Variants in FAXC observed in about 807,000 individuals in gnomAD.
FAXC encodes failed axon connections homolog, metaxin like GST domain containing.
Under a neutral mutation model 41.9 loss-of-function variants are expected in FAXC, and 10 were observed. The ratio of observed to expected loss-of-function variants is 0.24; its 90% confidence interval spans 0.15 to 0.41. The LOEUF (loss-of-function observed/expected upper bound fraction) is 0.41. Ranked by LOEUF, FAXC falls within the 10% of genes least tolerant of loss-of-function variation. The pLI, the probability that FAXC is intolerant of heterozygous loss-of-function variation, is 1.00. For missense variants in FAXC, 399 were observed against 510.9 expected, an observed-to-expected ratio of 0.78 and a Z score of 2.11; for synonymous variants, 183 against 183.8, an observed-to-expected ratio of 1.00 and a Z score of 0.03.
At position 99,274,888 on chromosome 6, in the gene FAXC, T is replaced by C. The variant is rs975501069; in HGVS notation, c.*6276A>G. 11 of 152,162 alleles carry C rather than the reference T, an allele frequency of 7.2e-5. No individual in the cohort carries two copies. The highest frequency in any genetic ancestry group is 1.5e-4 in the Non-Finnish European group (10 of 68,036). The allele number at this position is 152,162 out of a possible 1,614,324, so 9.4% of individuals were successfully genotyped here. A position where few individuals can be genotyped will look rare whatever the true frequency, so the allele number is the denominator to read the frequency against. On this transcript the variant is annotated 3_prime_UTR_variant, in exon 6 of 6. Transcript: ENST00000389677. ...GATTCTGAACAATGGAAGAGGAAAG[T>C]CATTGATTATTTTTTAAAGAGGAGG...
intron 5 of FAXC, among the ~76,000 whole-genome samples, chr6:99,285,891 T>G (rs1298245206): frequency 1.3e-5 from 2 of 152,188 alleles, no homozygotes; most frequent in Non-Finnish European, 2.9e-5. Context: ...ATCAAAACAT[T>G]CTGTACAACT....
intron 3 of FAXC, among the ~76,000 whole-genome samples, chr6:99,327,210 T>G (rs1024872820): frequency 6.6e-5 from 10 of 152,198 alleles, no homozygotes; most frequent in African/African-American, 2.4e-4. Flanking sequence ...CTTTAAGGGT[T>G]GAGGCCAGTG....
chr6:99,312,137 C>T (rs181261104), intron 4 of FAXC, among the ~76,000 whole-genome samples: 4 of 152,322 alleles, frequency 2.6e-5, no homozygotes, highest in African/African-American at 9.6e-5. Flanking sequence ...TCATGTGTTC[C>T]AGGCACTCAG....
At chr6:99,347,265 G>A (rs566057059) in intron 1 of FAXC, among the ~76,000 whole-genome samples, 77 of 152,076 alleles carry the variant, frequency 5.1e-4, no homozygotes, top group Admixed American at 1.4e-3. Context: ...ATCCAGACGC[G>A]GTGGTGCACG....
intron 1 of FAXC, among the ~76,000 whole-genome samples, chr6:99,343,587 G>A (rs1184283545): frequency 1.3e-5 from 2 of 152,170 alleles, no homozygotes; most frequent in Non-Finnish European, 2.9e-5. Flanking sequence ...TGCTAGTTAT[G>A]GCAGAATGGG....
rs1174081519 is a variant in FAXC, at chr6:99,276,654, GAACA to G, written c.*4506_*4509del. ...TTCTCTCTGGCTGTGTTAAAAACAA[GAACA>G]AACACAATGATAACATTTAAAGACT... On this transcript the variant is annotated 3_prime_UTR_variant, in exon 6 of 6. Transcript: ENST00000389677. 1 of 152,128 alleles carries G rather than the reference GAACA, an allele frequency of 6.6e-6. No individual in the cohort carries two copies. Among genetic ancestry groups the G allele is most frequent in the African/African-American group, 2.4e-5 (1 of 41,426 alleles). 9.4% of individuals were successfully genotyped at this position (152,128 alleles called of 1,614,324 possible).
Position 99,275,187 on chromosome 6 carries a change from G to A in FAXC, c.*5977C>T, listed in dbSNP as rs1204291968. On this transcript the variant is annotated 3_prime_UTR_variant, in exon 6 of 6. Coordinates refer to ENST00000389677, the MANE Select transcript of FAXC (RefSeq NM_032511.4). Reference sequence around the variant, plus strand: ...AAATGCATGCCAATGGGGGGTGGGAGGTGAATTAGTCACATTTAGTAGCAC... The same window carrying A: ...AAATGCATGCCAATGGGGGGTGGGAAGTGAATTAGTCACATTTAGTAGCAC... 1 of 152,084 alleles carries A rather than the reference G, an allele frequency of 6.6e-6. No individual in the cohort carries two copies. The highest frequency in any genetic ancestry group is 1.9e-4 in the East Asian group (1 of 5,190). 9.4% of individuals were successfully genotyped at this position (152,084 alleles called of 1,614,324 possible).
chr6:99,339,934 A>G (rs1351846770), intron 2 of FAXC, among the ~76,000 whole-genome samples: 6 of 152,210 alleles, frequency 3.9e-5, no homozygotes, highest in Non-Finnish European at 7.3e-5. Context: ...ATTCTCCAGA[A>G]TTCAAAAGAG....
At chr6:99,340,945 A>C (rs938984689) in intron 2 of FAXC, among the ~76,000 whole-genome samples, 1 of 152,158 alleles carries the variant, frequency 6.6e-6, no homozygotes, top group Non-Finnish European at 1.5e-5. Context: ...CTAGGATTAC[A>C]AGCGTGAGCC....
intron 2 of FAXC, among the ~76,000 whole-genome samples, chr6:99,339,719 A>G (rs1442660050): frequency 2.6e-5 from 4 of 152,190 alleles, no homozygotes; most frequent in Non-Finnish European, 5.9e-5. Flanking sequence ...AACAACAACA[A>G]CAAACACACA....
At position 99,291,840 on chromosome 6, in the gene FAXC, G is replaced by T. The variant is rs764346797; in HGVS notation, c.824-20C>A. The T allele has an allele frequency of 6.4e-7, 1 of 1,573,728 alleles. No individual in the cohort carries two copies. The highest frequency in any genetic ancestry group is 8.7e-7 in the Non-Finnish European group (1 of 1,143,080). ...TATCACCTGCAGTAAATAAAGCAGA[G>T]AAGTCAATGGGCTGGCCCACACTGC... On this transcript the variant is annotated intron_variant, in intron 4 of 5. Coordinates refer to ENST00000389677, the MANE Select transcript of FAXC (RefSeq NM_032511.4).
rs1770794223 is a variant in FAXC at position 99,280,676 on chromosome 6, G to A, written c.*488C>T. The A allele has an allele frequency of 6.0e-6, 1 of 165,538 alleles. No individual in the cohort carries two copies. Among genetic ancestry groups the A allele is most frequent in the South Asian group, 1.6e-4 (1 of 6,094 alleles). The allele number at this position is 165,538 out of a possible 1,614,324, so 10.3% of individuals were successfully genotyped here. Reference sequence around the variant, plus strand: ...TAGTAGGTGTTCGTTTAATATCTGTGGATTTTATTTGACTTATGTCTCAAC... The same window carrying A: ...TAGTAGGTGTTCGTTTAATATCTGTAGATTTTATTTGACTTATGTCTCAAC... On this transcript the variant is annotated 3_prime_UTR_variant, in exon 6 of 6. Transcript: ENST00000389677.
intron 4 of FAXC, among the ~76,000 whole-genome samples, chr6:99,320,546 A>G (rs531109809): frequency 6.6e-6 from 1 of 152,160 alleles, no homozygotes; most frequent in East Asian, 1.9e-4. Context: ...CCCCCACAAC[A>G]TCAACAGAGC....
At chr6:99,304,938 A>G (rs1463299454) in intron 4 of FAXC, among the ~76,000 whole-genome samples, 1 of 152,232 alleles carries the variant, frequency 6.6e-6, no homozygotes, top group Admixed American at 6.5e-5. Flanking sequence ...GAACCTTAAG[A>G]AAGTTTCTAA....
intron 4 of FAXC, among the ~76,000 whole-genome samples, chr6:99,314,520 G>C (rs1335801081): frequency 2.6e-5 from 4 of 152,176 alleles, no homozygotes. Context: ...GCTTCAGTGA[G>C]CTATGATTGT....
At chr6:99,338,550 A>G (rs7741230) in intron 2 of FAXC, among the ~76,000 whole-genome samples, 75,760 of 152,012 alleles carry the variant, frequency 0.5, 19,160 homozygotes, top group East Asian at 0.59. Flanking sequence ...CTTGAAAGTA[A>G]TCAGAGACAG....
chr6:99,295,815 T>C (rs1268473711), intron 4 of FAXC, among the ~76,000 whole-genome samples: 1 of 152,202 alleles, frequency 6.6e-6, no homozygotes, highest in Non-Finnish European at 1.5e-5. Context: ...AGTTAAGATT[T>C]ATTCCTTTGT....
At chr6:99,346,562 TG>T (rs11355124) in intron 1 of FAXC, among the ~76,000 whole-genome samples, 104,800 of 148,194 alleles carry the variant, frequency 0.71, 37,728 homozygotes, top group South Asian at 0.9. Context: ...CTAATTTTTG[TG>T]GGGTTTTTTT....
intron 1 of FAXC, among the ~76,000 whole-genome samples, chr6:99,347,107 TA>T (rs71021726): frequency 5.3e-5 from 8 of 149,564 alleles, no homozygotes; most frequent in East Asian, 3.9e-4. Flanking sequence ...ACAAAAAAGT[TA>T]AAAAAAAAAT....
Sources: allele counts gnomAD v4.1 joint callset (sites outside exome capture counted in the v4.1 genomes callset), GRCh38; gene constraint gnomAD v4.1.1; transcripts MANE v1.5; gene names NCBI Gene and HGNC (gene_info 2026-07-23, HGNC 2026-07-21).